The following ALDH7A1 variants were observed in gnomAD, a reference collection of about 807,000 sequenced individuals.
ALDH7A1 encodes the protein aldehyde dehydrogenase 7 family member A1.
A neutral mutation model predicts 79.9 loss-of-function variants in ALDH7A1; 63 were observed. The ratio of observed to expected loss-of-function variants is 0.79; its 90% CI spans 0.64 to 0.97. ALDH7A1 has a LOEUF of 0.97. Ranked by LOEUF, ALDH7A1 falls within the 50% of genes least tolerant of loss-of-function variation. The probability of loss-of-function intolerance (pLI) is 0.00; values close to 1 mark genes in which losing one functional copy is unlikely to be tolerated. For missense variants in ALDH7A1, 627 were observed against 665.2 expected, an observed-to-expected ratio of 0.94 and a Z score of 0.63; for synonymous variants, 240 against 231.2, an observed-to-expected ratio of 1.04 and a Z score of -0.34.
chr5:126,568,723 C>T (rs1449383784), intron 8 of ALDH7A1: 1 of 303,798 alleles, frequency 3.3e-6, no homozygotes, highest in African/African-American at 2.2e-5. Context: ...AGGATTAAAA[C>T]TTGGGCAGGA....
At position 126,583,921 on chromosome 5, in the gene ALDH7A1, A is replaced by C. The variant is rs1187716889; in HGVS notation, c.393+11T>G. Reference sequence around the variant, plus strand: ...TCAAAGAATTGTGTATATACTACAAAAATACTTTACCAAGCTTCCTAGTAC... The same window carrying C: ...TCAAAGAATTGTGTATATACTACAACAATACTTTACCAAGCTTCCTAGTAC... On this transcript the variant is annotated intron_variant, in intron 4 of 17. Coordinates refer to ENST00000409134, the MANE Select transcript of ALDH7A1 (RefSeq NM_001182.5). 2 of 1,608,748 alleles carry C rather than the reference A, an allele frequency of 1.2e-6. No homozygotes were observed. The highest frequency in any genetic ancestry group is 1.3e-5 in the African/African-American group (1 of 74,790).
Position 126,577,091 on chromosome 5 carries a change from T to C in ALDH7A1, c.638A>G (p.Asn213Ser). 1.9e-6 allele frequency: 3 copies of C among 1,614,100 alleles called. No individual in the cohort carries two copies. The highest frequency in any genetic ancestry group is 2.5e-6 in the Non-Finnish European group (3 of 1,180,016). The change falls in exon 6 of 18, where the codon AAT becomes AGT. Residue 213 changes from asparagine (N) to serine (S), a missense_variant. Coordinates refer to ENST00000409134, the MANE Select transcript of ALDH7A1 (RefSeq NM_001182.5). ...WNNAIAMICG[N>S]VCLWKGAPTT... is the part of the protein sequence containing the mutation. ...GAGCAGGTCTTACCAGAGGCAGACA[T>C]TTCCACAGATCATGGCGATGGCGTT... is the stretch of plus-strand genomic sequence containing the variant.
At chr5:126,546,582 A>T (rs1749793773) in intron 16 of ALDH7A1, among the ~76,000 whole-genome samples, 183 bp from the exon 17 acceptor site, 1 of 152,052 alleles carries the variant, frequency 6.6e-6, no homozygotes. Flanking sequence ...CAAAACAAAC[A>T]GAAAAAAGGA....
At chr5:126,564,397 C>T in intron 9 of ALDH7A1, 3 of 523,006 alleles carry the variant, frequency 5.7e-6, no homozygotes, top group Non-Finnish European at 8.7e-6. Flanking sequence ...ATTCACCCAC[C>T]TCAGCCTCCC....
At chr5:126,550,652 C>T (rs751141514) in intron 14 of ALDH7A1, among the ~76,000 whole-genome samples, 1 of 146,050 alleles carries the variant, frequency 6.8e-6, no homozygotes, top group Non-Finnish European at 1.6e-5. Context: ...TTCCTACTAC[C>T]TCCCAATTTA....
At chr5:126,594,618 T>C (rs183872336) in intron 1 of ALDH7A1, among the ~76,000 whole-genome samples, 1 of 151,174 alleles carries the variant, frequency 6.6e-6, no homozygotes, top group Admixed American at 6.6e-5. Context: ...CTATTTTGTA[T>C]TTTTTTTAGT....
At chr5:126,576,957 G>A in intron 6 of ALDH7A1, 122 bp downstream of exon 6, 1 of 1,272,610 alleles carries the variant, frequency 7.9e-7, no homozygotes, top group South Asian at 1.3e-5. Context: ...AAGTTTTATT[G>A]AAGAAGCCAG....
intron 1 of ALDH7A1, chr5:126,594,340 C>G (rs532080347): frequency 2.4e-5 from 11 of 459,838 alleles, no homozygotes; most frequent in African/African-American, 2.2e-4. Context: ...CACGTCACAG[C>G]TGAAGAGCCA....
At chr5:126,561,052 A>G (rs1234979551) in intron 10 of ALDH7A1, 31 bp downstream of exon 10, 3 of 1,612,672 alleles carry the variant, frequency 1.9e-6, no homozygotes, top group Non-Finnish European at 2.5e-6. Flanking sequence ...AACTGAACAG[A>G]AAACAAACAA....
intron 8 of ALDH7A1, chr5:126,569,836 T>C (rs1199837407): frequency 6.6e-6 from 1 of 152,182 alleles, no homozygotes; most frequent in Non-Finnish European, 1.5e-5. Context: ...CTTTTTGAGA[T>C]TGCCCAGTAA....
intron 3 of ALDH7A1, 52 bp from the exon 4 acceptor site, chr5:126,584,064 T>C: frequency 1.4e-6 from 2 of 1,391,750 alleles, no homozygotes; most frequent in Non-Finnish European, 2.0e-6. Flanking sequence ...AATTCATGTT[T>C]ATAACACAGT....
chr5:126,553,358 T>A (rs1219048971), intron 13 of ALDH7A1: 1 of 152,248 alleles, frequency 6.6e-6, no homozygotes, highest in African/African-American at 2.4e-5. Context: ...GCTAATCTTC[T>A]CTGTATCTTT....
chr5:126,569,398 T>TATAAA (rs1228874839), intron 8 of ALDH7A1: 2 of 152,224 alleles, frequency 1.3e-5, no homozygotes, highest in African/African-American at 4.8e-5. Flanking sequence ...GATTTCCAGT[T>TATAAA]GCTTCTAAGG....
chr5:126,577,405 CATA>C lies in ALDH7A1; in HGVS notation c.518-197_518-195del, dbSNP rs1378283139. Among the ~76,000 whole-genome samples the C allele has an allele frequency of 3.9e-5, 6 of 152,106 alleles. No homozygotes were observed. The East Asian group carries it at 9.6e-4, about 24-fold the overall frequency. On this transcript the variant is annotated intron_variant, in intron 5 of 17. Coordinates refer to ENST00000409134, the MANE Select transcript of ALDH7A1 (RefSeq NM_001182.5). ...GTTATTACCACACTACCTTGTAAAT[CATA>C]ATGATATTCATTATGCCTCTGATCT...
intron 12 of ALDH7A1, chr5:126,554,650 G>T (rs2112760541): frequency 6.2e-6 from 3 of 486,474 alleles, no homozygotes; most frequent in Non-Finnish European, 1.1e-5. Context: ...AAATGAGTGG[G>T]TATGTGCCGA....
chr5:126,565,992 C>T (rs952775881), intron 9 of ALDH7A1, among the ~76,000 whole-genome samples: 12 of 152,128 alleles, frequency 7.9e-5, no homozygotes, highest in African/African-American at 1.2e-4. Context: ...ATAGTTTTGC[C>T]GTAAATTTTT....
chr5:126,555,482 C>CAAAAAAAAAAAAAAAAAAA (rs762878623), intron 12 of ALDH7A1: 1 of 74,758 alleles, frequency 1.3e-5, no homozygotes, highest in Non-Finnish European at 2.7e-5. Context: ...AACTGTGTCT[C>CAAAAAAAAAAAAAAAAAAA]AAAAAAAAAA....
intron 16 of ALDH7A1, among the ~76,000 whole-genome samples, chr5:126,546,973 T>G (rs1014829299): frequency 2.0e-5 from 3 of 152,236 alleles, no homozygotes; most frequent in Non-Finnish European, 4.4e-5. Flanking sequence ...AGCTGAATGT[T>G]TGCCCTTCTA....
At chr5:126,565,833 G>C (rs775953927) in intron 9 of ALDH7A1, among the ~76,000 whole-genome samples, 3 of 152,300 alleles carry the variant, frequency 2.0e-5, no homozygotes, top group Middle Eastern at 6.8e-3. Flanking sequence ...AGTACCATTT[G>C]TTAAAAAGAC....
Sources: gnomAD v4.1 joint callset for allele counts (sites outside exome capture counted in the v4.1 genomes callset) on GRCh38, gnomAD v4.1.1 for gene constraint, MANE v1.5 for transcripts, NCBI Gene and HGNC (gene_info 2026-07-23, HGNC 2026-07-21) for gene names.